The following ADAMTS5 variants were observed in gnomAD, a reference collection of about 807,000 sequenced individuals.
ADAMTS5 encodes ADAM metallopeptidase with thrombospondin type 1 motif 5.
Under a neutral mutation model 81.4 loss-of-function variants are expected in ADAMTS5, and 54 were observed. That is an observed-to-expected ratio of 0.66 (90% CI 0.53 to 0.83). The LOEUF is 0.83. Ranked by LOEUF, ADAMTS5 falls within the 40% of genes least tolerant of loss-of-function variation. The probability of loss-of-function intolerance (pLI) is 0.00; values close to 1 mark genes in which losing one functional copy is unlikely to be tolerated. For missense variants in ADAMTS5, 1,194 were observed against 1,229.9 expected, an observed-to-expected ratio of 0.97 and a Z score of 0.44; for synonymous variants, 532 against 508.8, an observed-to-expected ratio of 1.05 and a Z score of -0.61.
chr21:26,943,744 T>G (rs1470722650), intron 2 of ADAMTS5, among the ~76,000 whole-genome samples, 197 bp from the exon 3 acceptor site: 2 of 152,194 alleles, frequency 1.3e-5, no homozygotes, highest in African/African-American at 2.4e-5. Context: ...TTGGTGAACA[T>G]TTCGATGGAA....
intron 2 of ADAMTS5, among the ~76,000 whole-genome samples, chr21:26,950,396 C>G (rs950191179): frequency 1.3e-5 from 2 of 152,196 alleles, no homozygotes; most frequent in Admixed American, 1.3e-4. Context: ...CTTACACTAA[C>G]TTGAAAACTT....
chr21:26,960,550 C>A (rs1451290267), intron 1 of ADAMTS5, among the ~76,000 whole-genome samples: 1 of 152,120 alleles, frequency 6.6e-6, no homozygotes, highest in African/African-American at 2.4e-5. Context: ...TACTTGCAGG[C>A]AGTGGGAAGG....
At position 26,922,894 on chromosome 21, in the gene ADAMTS5, G is replaced by T. The variant is rs559216019; in HGVS notation, c.*1159C>A. The T allele has an allele frequency of 3.5e-4, 53 of 152,664 alleles. No homozygotes were observed. Among genetic ancestry groups the T allele is most frequent in the African/African-American group, 1.0e-3 (42 of 41,552 alleles). 9.5% of individuals were successfully genotyped at this position (152,664 alleles called of 1,614,324 possible). A position where few individuals can be genotyped will look rare whatever the true frequency, so the allele number is the denominator to read the frequency against. On this transcript the variant is annotated 3_prime_UTR_variant, in exon 8 of 8. Coordinates refer to ENST00000284987, the MANE Select transcript of ADAMTS5 (RefSeq NM_007038.5). ...TTTTGGCATTAACCACATTAACAAT[G>T]ATAACCACTTCTCAATGTGGCTAAC...
intron 3 of ADAMTS5, among the ~76,000 whole-genome samples, chr21:26,942,087 T>C (rs1987125132): frequency 2.0e-5 from 3 of 152,170 alleles, no homozygotes. Context: ...TCAGATTGCT[T>C]TTCAAAATGA....
rs1419067659 is a variant in ADAMTS5, at chr21:26,965,701, G to C, written c.691C>G (p.Arg231Gly). 6.3e-7 allele frequency: 1 copy of C among 1,581,294 alleles called. No homozygotes were observed. The highest frequency in any genetic ancestry group is 8.6e-7 in the Non-Finnish European group (1 of 1,165,860). Reference sequence around the variant, plus strand: ...AAGAGCTGCGAGGCCAGTGCTGCGCGTCCGCTCGGGTTGCTGTGCGCCGGA... The same window carrying C: ...AAGAGCTGCGAGGCCAGTGCTGCGCCTCCGCTCGGGTTGCTGTGCGCCGGA... ...HAPAHSNPSG[R>G]AALASQLLDQ... Residue 231 changes from arginine to glycine, a missense_variant, in exon 1 of 8, where the codon CGC (arginine) becomes GGC (glycine). This residue lies in a region of ADAMTS5 where 498 missense variants were observed against 412.3 expected (regional missense o/e 1.21). Coordinates refer to ENST00000284987, the MANE Select transcript of ADAMTS5 (RefSeq NM_007038.5).
chr21:26,955,284 C>T (rs1377443070), intron 1 of ADAMTS5, among the ~76,000 whole-genome samples: 1 of 152,178 alleles, frequency 6.6e-6, no homozygotes, highest in Non-Finnish European at 1.5e-5. Flanking sequence ...GGGCAAACTG[C>T]AGCCAGACGT....
In ADAMTS5 at chr21:26,921,642, A is replaced by C. The variant is rs1600994732; in HGVS notation, c.*2411T>G. On this transcript the variant is annotated 3_prime_UTR_variant, in exon 8 of 8. Transcript: ENST00000284987. Reference sequence around the variant, plus strand: ...TGAACACTCCATTTCTCTGAATTTCAGTTTCCAATCCATATCATCTTCTCC... The same window carrying C: ...TGAACACTCCATTTCTCTGAATTTCCGTTTCCAATCCATATCATCTTCTCC... 2 of 152,440 alleles carry C rather than the reference A, an allele frequency of 1.3e-5. No homozygotes were observed. The highest frequency in any genetic ancestry group is 3.9e-4 in the East Asian group (2 of 5,184). 9.4% of individuals were successfully genotyped at this position (152,440 alleles called of 1,614,324 possible). A position where few individuals can be genotyped will look rare whatever the true frequency, so the allele number is the denominator to read the frequency against.
intron 2 of ADAMTS5, among the ~76,000 whole-genome samples, chr21:26,949,721 A>G (rs961772222): frequency 2.0e-5 from 3 of 152,346 alleles, no homozygotes; most frequent in Non-Finnish European, 4.4e-5. Context: ...CTCAACATAT[A>G]GCAAAAACTT....
chr21:26,935,081 A>G (rs1986989671), intron 3 of ADAMTS5, among the ~76,000 whole-genome samples: 1 of 152,164 alleles, frequency 6.6e-6, no homozygotes, highest in Non-Finnish European at 1.5e-5. Flanking sequence ...ATTGGGATGG[A>G]CCTAGAGAAA....
At chr21:26,944,365 A>G (rs369631621) in intron 2 of ADAMTS5, among the ~76,000 whole-genome samples, 157 of 152,314 alleles carry the variant, frequency 1.0e-3, no homozygotes, top group African/African-American at 3.5e-3. Context: ...ATTTGTGCTT[A>G]AGCCTCTCAA....
At position 26,934,379 on chromosome 21, in the gene ADAMTS5, C is replaced by G; in HGVS notation, c.1689+87G>C. ...AAAGTTTTTAAATTAGAAAATAAAG[C>G]CTTCTGAGAACAGTGCCCATACCCA... On this transcript the variant is annotated intron_variant, in intron 4 of 7. Transcript: ENST00000284987. The G allele has an allele frequency of 3.4e-6, 5 of 1,490,124 alleles. No homozygotes were observed. The East Asian group carries it at 9.1e-5, about 27-fold the overall frequency. 92.3% of individuals were successfully genotyped at this position (1,490,124 alleles called of 1,614,324 possible).
chr21:26,950,445 A>G (rs534271024), intron 2 of ADAMTS5, among the ~76,000 whole-genome samples: 138 of 152,348 alleles, frequency 9.1e-4, no homozygotes, highest in African/African-American at 3.1e-3. Flanking sequence ...GGCTGTAAAC[A>G]CATTCCTGCC....
At chr21:26,930,773 T>A (rs191354814) in intron 6 of ADAMTS5, among the ~76,000 whole-genome samples, 279 of 152,244 alleles carry the variant, frequency 1.8e-3, no homozygotes, top group African/African-American at 6.3e-3. Flanking sequence ...GCCTGTAAAT[T>A]TTATATTTAT....
Position 26,918,658 on chromosome 21 carries a change from T to C in ADAMTS5, c.*5395A>G, listed in dbSNP as rs1369622677. ...ATATTTCTTAATCAAAAGTCTAGCT[T>C]TACAAAGTCACATACAGTATGTTCT... is the stretch of plus-strand genomic sequence containing the variant. On this transcript the variant is annotated 3_prime_UTR_variant, in exon 8 of 8. Coordinates refer to ENST00000284987, the MANE Select transcript of ADAMTS5 (RefSeq NM_007038.5). 2.0e-5 allele frequency: 3 copies of C among 152,006 alleles called. No individual in the cohort carries two copies. The highest frequency in any genetic ancestry group is 4.4e-5 in the Non-Finnish European group (3 of 67,940). The allele number at this position is 152,006 out of a possible 1,614,324, so 9.4% of individuals were successfully genotyped here. A position where few individuals can be genotyped will look rare whatever the true frequency, so the allele number is the denominator to read the frequency against.
At position 26,963,868 on chromosome 21, in the gene ADAMTS5, G is replaced by T. The variant is rs541003521; in HGVS notation, c.1104+1420C>A. On this transcript the variant is annotated intron_variant, in intron 1 of 7. Transcript: ENST00000284987. ...TCCATTGTGCACAGCACTGCGCGCTGCTTGGCTCTCCCTAAACTGCCGCCC... is the reference window on the plus strand; with the variant it reads ...TCCATTGTGCACAGCACTGCGCGCTTCTTGGCTCTCCCTAAACTGCCGCCC... Among the ~76,000 whole-genome samples, 13 of 152,172 alleles carry T rather than the reference G, an allele frequency of 8.5e-5. No homozygotes were observed. In the East Asian group the frequency reaches 1.7e-3, roughly 20 times the overall value.
At chr21:26,957,855 CTG>C (rs1987458138) in intron 1 of ADAMTS5, among the ~76,000 whole-genome samples, 1 of 152,168 alleles carries the variant, frequency 6.6e-6, no homozygotes, top group African/African-American at 2.4e-5. Flanking sequence ...GTCATTGACA[CTG>C]TGACCATTCA....
chr21:26,941,023 A>C (rs1363668286), intron 3 of ADAMTS5, among the ~76,000 whole-genome samples: 4 of 152,194 alleles, frequency 2.6e-5, no homozygotes, highest in Non-Finnish European at 4.4e-5. Context: ...GAAACAAAGT[A>C]AGACAGACAT....
At chr21:26,936,843 G>A (rs1340850648) in intron 3 of ADAMTS5, among the ~76,000 whole-genome samples, 10 of 152,146 alleles carry the variant, frequency 6.6e-5, no homozygotes, top group African/African-American at 1.4e-4. Context: ...AGAACTCCAC[G>A]AAAAACATTA....
chr21:26,924,107 A>T lies in ADAMTS5; in HGVS notation c.2739T>A (p.Cys913Ter). Residue 913 changes from cysteine to a stop codon, truncating the protein, a stop_gained, in exon 8 of 8, where the codon TGT (cysteine) becomes TGA (stop). Coordinates refer to ENST00000284987, the MANE Select transcript of ADAMTS5 (RefSeq NM_007038.5). LOFTEE classifies it high-confidence loss of function. ...ACGCAGAAGGCCTTTGGGAGAGAGGACATCCTTTTGCTAACTTCCGGTTTC... is the reference window on the plus strand; with the variant it reads ...ACGCAGAAGGCCTTTGGGAGAGAGGTCATCCTTTTGCTAACTTCCGGTTTC... ...QDGNRKLAKG[C>*]PLSQRPSAFK... 2 of 1,611,802 alleles carry T rather than the reference A, an allele frequency of 1.2e-6. No individual in the cohort carries two copies. Among genetic ancestry groups the T allele is most frequent in the Admixed American group, 1.7e-5 (1 of 59,974 alleles).
Sources: allele counts gnomAD v4.1 joint callset (sites outside exome capture counted in the v4.1 genomes callset), GRCh38; gene constraint gnomAD v4.1.1; regional missense constraint gnomAD v4.1.1; transcripts MANE v1.5; gene names NCBI Gene and HGNC (gene_info 2026-07-23, HGNC 2026-07-21).